MYLK: variants seen among roughly 807,000 people sequenced by gnomAD.
The protein encoded by MYLK is myosin light chain kinase, smooth muscle.
A neutral mutation model predicts 203.4 loss-of-function variants in MYLK; 106 were observed. The ratio of observed to expected loss-of-function variants is 0.52; its 90% CI spans 0.45 to 0.61. The LOEUF is 0.61. Ranked by LOEUF, MYLK falls within the 20% of genes least tolerant of loss-of-function variation. MYLK has a pLI of 0.00. For synonymous variants in MYLK, 867 were observed against 959.5 expected (o/e 0.90, Z 1.78); for missense variants, 2,072 against 2,442.3 (o/e 0.85, Z 3.20).
At chr3:123,621,336 C>T (rs1044012815) in intron 31 of MYLK, 11 of 152,208 alleles carry the variant, frequency 7.2e-5, no homozygotes, top group African/African-American at 2.6e-4. Flanking sequence ...TTTTAGGCAT[C>T]GAAAAGCTGT....
chr3:123,815,774 C>A (rs1468898944), intron 3 of MYLK, among the ~76,000 whole-genome samples: 1 of 152,232 alleles, frequency 6.6e-6, no homozygotes, highest in African/African-American at 2.4e-5. Flanking sequence ...GTCCTCTAAT[C>A]TCAGTTTATG....
chr3:123,726,182 T>A, intron 11 of MYLK, 104 bp from the exon 12 acceptor site: 1 of 1,491,924 alleles, frequency 6.7e-7, no homozygotes, highest in South Asian at 1.2e-5. Flanking sequence ...CCTGGACACC[T>A]GGGTACCCTC....
chr3:123,683,150 T>C (rs1168737374), intron 19 of MYLK, among the ~76,000 whole-genome samples: 1 of 152,160 alleles, frequency 6.6e-6, no homozygotes, highest in African/African-American at 2.4e-5. Context: ...TGAGTGGCTA[T>C]CACTGGGCCC....
rs1300680839 is a variant in MYLK, at chr3:123,700,868, TC to T, written c.2599del (p.Glu867ArgfsTer7). ...CCTCTTCAGCACCCCTCGCACGTCC[TC>T]GCCGTCTTCCTCCTCTAGCCAACCC... The part of the protein sequence containing the change: ...GQGWLEEEDG[E>X]DVRGVLKRRV... On this transcript the variant is annotated frameshift_variant, in exon 18 of 34. Coordinates refer to ENST00000360304, the MANE Select transcript of MYLK (RefSeq NM_053025.4). LOFTEE classifies it high-confidence loss of function. The T allele has an allele frequency of 6.2e-7, 1 of 1,613,518 alleles. No homozygotes were observed. The highest frequency in any genetic ancestry group is 8.5e-7 in the Non-Finnish European group (1 of 1,180,016).
rs373764982 is a variant in MYLK, at chr3:123,620,646, G to A, written c.5239-310C>T. 10 of 1,138,662 alleles carry A rather than the reference G, an allele frequency of 8.8e-6. No individual in the cohort carries two copies. The East Asian group carries it at 2.1e-4, about 24-fold the overall frequency. 70.5% of individuals were successfully genotyped at this position (1,138,662 alleles called of 1,614,324 possible). The stretch of plus-strand genomic sequence containing the variant: ...GTGCTTCAACTCCCATAAAAGGGAT[G>A]GTTTATATAAAGCAACTGCAGGCTG... On this transcript the variant is annotated intron_variant, in intron 31 of 33. Transcript: ENST00000360304.
At chr3:123,846,936 A>T (rs1157405789) in intron 2 of MYLK, among the ~76,000 whole-genome samples, 1 of 152,096 alleles carries the variant, frequency 6.6e-6, no homozygotes, top group African/African-American at 2.4e-5. Context: ...TATTCCTGGT[A>T]AATAGTACTT....
intron 3 of MYLK, among the ~76,000 whole-genome samples, chr3:123,807,095 C>G (rs1388375463): frequency 6.6e-6 from 1 of 152,156 alleles, no homozygotes; most frequent in Non-Finnish European, 1.5e-5. Flanking sequence ...AACTTCAAAT[C>G]CAACTTGGCA....
chr3:123,838,931 C>T (rs2066530809), intron 2 of MYLK, among the ~76,000 whole-genome samples: 2 of 152,098 alleles, frequency 1.3e-5, no homozygotes, highest in African/African-American at 4.8e-5. Flanking sequence ...CCCATCTCTA[C>T]TAAAAATACA....
intron 4 of MYLK, among the ~76,000 whole-genome samples, chr3:123,753,963 C>A (rs1405352410): frequency 2.0e-5 from 3 of 152,240 alleles, no homozygotes; most frequent in African/African-American, 7.2e-5. Flanking sequence ...CTTCACTGAT[C>A]TGTAGCAATA....
intron 3 of MYLK, among the ~76,000 whole-genome samples, chr3:123,806,238 G>A (rs1167755082): frequency 2.0e-5 from 3 of 152,214 alleles, no homozygotes; most frequent in Non-Finnish European, 2.9e-5. Flanking sequence ...CGATGAAAGA[G>A]AACCTAAATC....
chr3:123,701,393 G>A (rs1560098403), intron 17 of MYLK, 45 bp downstream of exon 17: 2 of 1,591,688 alleles, frequency 1.3e-6, no homozygotes, highest in Non-Finnish European at 1.7e-6. Context: ...GAGGAAGGTG[G>A]GGATGGGGGC....
chr3:123,689,898 G>C (rs962942880), intron 19 of MYLK, among the ~76,000 whole-genome samples: 1 of 152,232 alleles, frequency 6.6e-6, no homozygotes, highest in Non-Finnish European at 1.5e-5. Context: ...AGCCAGCTGT[G>C]CTGTGTTATA....
At chr3:123,736,654 C>G (rs1236056889) in intron 8 of MYLK, among the ~76,000 whole-genome samples, 1 of 152,058 alleles carries the variant, frequency 6.6e-6, no homozygotes, top group Non-Finnish European at 1.5e-5. Flanking sequence ...ACATGGGAAC[C>G]CTGGTAGAGG....
chr3:123,731,969 T>C (rs1221880107), intron 11 of MYLK, among the ~76,000 whole-genome samples: 1 of 146,292 alleles, frequency 6.8e-6, no homozygotes, highest in African/African-American at 2.5e-5. Context: ...TACCTTCTAA[T>C]ATAAGTTTTC....
intron 11 of MYLK, among the ~76,000 whole-genome samples, chr3:123,731,502 AC>A (rs1484733515): frequency 6.6e-6 from 1 of 152,202 alleles, no homozygotes; most frequent in East Asian, 1.9e-4. Context: ...GCATCAGTCT[AC>A]AGGATGTTGT....
At chr3:123,667,064 G>C in intron 21 of MYLK, 73 bp downstream of exon 21, 1 of 1,389,102 alleles carries the variant, frequency 7.2e-7, no homozygotes, top group East Asian at 2.3e-5. Flanking sequence ...CCAGGTGTCA[G>C]TCTAGCAAGG....
chr3:123,703,397 G>A (rs2061327937), intron 16 of MYLK, among the ~76,000 whole-genome samples: 1 of 152,120 alleles, frequency 6.6e-6, no homozygotes, highest in African/African-American at 2.4e-5. Context: ...GTGCCTTCCT[G>A]ACTGCCTTAG....
chr3:123,743,483 G>A (rs1576816145), intron 5 of MYLK, among the ~76,000 whole-genome samples: 1 of 152,200 alleles, frequency 6.6e-6, no homozygotes, highest in African/African-American at 2.4e-5. Context: ...CAAATTGTTA[G>A]ATAAGGCAAA....
At position 123,738,880 on chromosome 3, in the gene MYLK, G is replaced by T; in HGVS notation, c.588+17C>A. On this transcript the variant is annotated intron_variant, in intron 7 of 33. Coordinates refer to ENST00000360304, the MANE Select transcript of MYLK (RefSeq NM_053025.4). Reference sequence around the variant, plus strand: ...TAATACAGGCTGGATCAGGGTCAGGGCAGACAGAAACCTCACCTTGAGCCA... The same window carrying T: ...TAATACAGGCTGGATCAGGGTCAGGTCAGACAGAAACCTCACCTTGAGCCA... 6.2e-7 allele frequency: 1 copy of T among 1,603,248 alleles called. No homozygotes were observed. The highest frequency in any genetic ancestry group is 8.5e-7 in the Non-Finnish European group (1 of 1,174,214).
Sources: allele counts gnomAD v4.1 joint callset (sites outside exome capture counted in the v4.1 genomes callset), GRCh38; gene constraint gnomAD v4.1.1; transcripts MANE v1.5; gene names NCBI Gene and HGNC (gene_info 2026-07-23, HGNC 2026-07-21).